Variants in DLGAP1 observed in about 807,000 individuals in gnomAD.
The protein encoded by DLGAP1 is DLG associated protein 1.
In DLGAP1, 11 loss-of-function variants were observed where a neutral mutation model predicts 90.8. The ratio of observed to expected loss-of-function variants is 0.12; its 90% CI spans 0.08 to 0.20. The LOEUF (loss-of-function observed/expected upper bound fraction) is 0.20, where lower values mean the gene tolerates loss of function less well. Ranked by LOEUF, DLGAP1 falls within the 10% of genes least tolerant of loss-of-function variation. The pLI is 1.00. For synonymous variants in DLGAP1, 558 were observed against 540.7 expected, an observed-to-expected ratio of 1.03 and a Z score of -0.44; for missense variants, 1,050 against 1,333.8, an observed-to-expected ratio of 0.79 and a Z score of 3.31.
chr18:3,982,033 G>T (rs962332020), intron 3 of DLGAP1, among the ~76,000 whole-genome samples: 1 of 151,928 alleles, frequency 6.6e-6, no homozygotes, highest in Admixed American at 6.6e-5. Flanking sequence ...AAAAAATAAT[G>T]CACAGAGAGC....
chr18:3,538,789 A>G (rs1016031269), intron 9 of DLGAP1, among the ~76,000 whole-genome samples: 1 of 152,266 alleles, frequency 6.6e-6, no homozygotes, highest in African/African-American at 2.4e-5. Flanking sequence ...TGCCACAGCC[A>G]GAATCTGTTC....
chr18:3,640,883 T>C (rs986052543), intron 7 of DLGAP1, among the ~76,000 whole-genome samples: 3 of 152,222 alleles, frequency 2.0e-5, no homozygotes, highest in Non-Finnish European at 2.9e-5. Context: ...TTATGTATTA[T>C]ACAATTTAAT....
intron 3 of DLGAP1, among the ~76,000 whole-genome samples, chr18:3,911,797 A>G (rs1329959028): frequency 6.6e-6 from 1 of 152,254 alleles, no homozygotes; most frequent in Non-Finnish European, 1.5e-5. Flanking sequence ...CTGGGCTGCC[A>G]AAGATGTGAA....
At chr18:3,813,847 G>T (rs1000507784) in intron 5 of DLGAP1, among the ~76,000 whole-genome samples, 16 of 151,938 alleles carry the variant, frequency 1.1e-4, no homozygotes, top group African/African-American at 3.4e-4. Flanking sequence ...GAGATGAGGG[G>T]TTCAGCTTAT....
chr18:4,145,646 A>G (rs1004891413), intron 2 of DLGAP1, among the ~76,000 whole-genome samples: 5 of 152,202 alleles, frequency 3.3e-5, no homozygotes, highest in Non-Finnish European at 7.3e-5. Context: ...ATTGACCAAA[A>G]ATTTGATTTC....
rs548711092 is a variant in DLGAP1, at chr18:3,958,303, G to A, written c.-73+46813C>T. On this transcript the variant is annotated intron_variant, in intron 3 of 12. Coordinates refer to ENST00000315677, the MANE Select transcript of DLGAP1 (RefSeq NM_004746.4). The stretch of plus-strand genomic sequence containing the variant: ...GTGCTGGGATTACAGGTGTGAGCCA[G>A]TGCACTTGGCCTTAGTCCATACTTT... Among the ~76,000 whole-genome samples, 8 of 152,176 alleles carry A rather than the reference G, an allele frequency of 5.3e-5. 1 individual carries two copies. The highest frequency in any genetic ancestry group is 1.9e-4 in the African/African-American group (8 of 41,530).
rs1156440850 is a variant in DLGAP1, at chr18:3,657,603, C to CT, written c.1591+71531dup. On this transcript the variant is annotated intron_variant, in intron 7 of 12. Coordinates refer to ENST00000315677, the MANE Select transcript of DLGAP1 (RefSeq NM_004746.4). ...ATAGTGAATTGGTTCCCATGGAATT[C>CT]TTTTTTTTTTTTTTTTTGAGACGGA... Among the ~76,000 whole-genome samples the CT allele has an allele frequency of 9.7e-3, 1,303 of 134,316 alleles. 11 individuals carry two copies. Among genetic ancestry groups the CT allele is most frequent in the African/African-American group, 0.024 (852 of 35,212 alleles). 88.1% of individuals were successfully genotyped at this position (134,316 alleles called of 152,430 possible). A position where few individuals can be genotyped will look rare whatever the true frequency, so the allele number is the denominator to read the frequency against.
chr18:4,420,808 A>G (rs1236869583), intron 1 of DLGAP1, among the ~76,000 whole-genome samples: 1 of 152,162 alleles, frequency 6.6e-6, no homozygotes, highest in Non-Finnish European at 1.5e-5. Flanking sequence ...GTGGTGATTC[A>G]TATTTCCCTC....
intron 7 of DLGAP1, among the ~76,000 whole-genome samples, chr18:3,719,793 A>C (rs2061908638): frequency 6.6e-6 from 1 of 152,218 alleles, no homozygotes; most frequent in Non-Finnish European, 1.5e-5. Context: ...AGCAAACATC[A>C]AAGTATCATT....
intron 1 of DLGAP1, among the ~76,000 whole-genome samples, chr18:4,312,986 T>C (rs1015165327): frequency 6.6e-6 from 1 of 152,220 alleles, no homozygotes; most frequent in Non-Finnish European, 1.5e-5. Context: ...TTTTCCATAT[T>C]GTGTCCTCAT....
At chr18:3,888,395 A>G (rs534533263) in intron 3 of DLGAP1, among the ~76,000 whole-genome samples, 2 of 152,320 alleles carry the variant, frequency 1.3e-5, no homozygotes, top group African/African-American at 4.8e-5. Context: ...ATGCTGAGCC[A>G]TTTTATAGAT....
chr18:3,753,974 A>G (rs1233970648), intron 5 of DLGAP1, among the ~76,000 whole-genome samples: 2 of 152,164 alleles, frequency 1.3e-5, no homozygotes, highest in African/African-American at 4.8e-5. Flanking sequence ...GTATTTGCAA[A>G]TAACCTATGC....
chr18:4,128,633 G>A (rs16946051), intron 2 of DLGAP1, among the ~76,000 whole-genome samples: 33,906 of 152,080 alleles, frequency 0.22, 4,268 homozygotes, highest in African/African-American at 0.34. Flanking sequence ...AGTTCCTACA[G>A]AGAGACACGG....
chr18:4,001,890 C>T (rs982952949), intron 3 of DLGAP1, among the ~76,000 whole-genome samples: 1 of 152,172 alleles, frequency 6.6e-6, no homozygotes, highest in Non-Finnish European at 1.5e-5. Context: ...GCCCACCAAG[C>T]CTTACAGTGA....
chr18:3,637,460 G>A (rs1238181480), intron 7 of DLGAP1, among the ~76,000 whole-genome samples: 4 of 151,430 alleles, frequency 2.6e-5, no homozygotes, highest in South Asian at 2.1e-4. Context: ...TAGGCCAGGC[G>A]CAGTGCCTCA....
chr18:3,642,777 A>G, intron 7 of DLGAP1, among the ~76,000 whole-genome samples: 1 of 152,208 alleles, frequency 6.6e-6, no homozygotes. Context: ...TCTTCTTGAT[A>G]AGATACATTC....
At chr18:4,010,670 T>A (rs775065243) in intron 2 of DLGAP1, among the ~76,000 whole-genome samples, 4 of 152,182 alleles carry the variant, frequency 2.6e-5, no homozygotes, top group Non-Finnish European at 2.9e-5. Context: ...ACTTTATTTA[T>A]CAAATTTTCA....
At chr18:3,659,669 G>A (rs1421128038) in intron 7 of DLGAP1, among the ~76,000 whole-genome samples, 1 of 151,596 alleles carries the variant, frequency 6.6e-6, no homozygotes, top group Non-Finnish European at 1.5e-5. Context: ...AGCTTCAAGC[G>A]ATTCTCCTAC....
At chr18:4,123,854 A>T (rs1348509790) in intron 2 of DLGAP1, among the ~76,000 whole-genome samples, 1 of 152,138 alleles carries the variant, frequency 6.6e-6, no homozygotes, top group Non-Finnish European at 1.5e-5. Flanking sequence ...AGGGGTTAAA[A>T]TGCACTATTC....
Sources: allele counts gnomAD v4.1 joint callset (sites outside exome capture counted in the v4.1 genomes callset), GRCh38; gene constraint gnomAD v4.1.1; transcripts MANE v1.5; gene names NCBI Gene and HGNC (gene_info 2026-07-23, HGNC 2026-07-21).